The following UBAP2L variants were observed in gnomAD, a reference collection of about 807,000 sequenced individuals.
UBAP2L encodes ubiquitin-associated protein 2-like.
In UBAP2L, 12 loss-of-function variants were observed where a neutral mutation model predicts 130.6. The observed-to-expected ratio is 0.09, with a 90% confidence interval of 0.06 to 0.15. UBAP2L has a LOEUF of 0.15. UBAP2L is among the 10% of genes least tolerant of loss of function. UBAP2L has a pLI of 1.00. For missense variants in UBAP2L, 965 were observed against 1,332.5 expected, an observed-to-expected ratio of 0.72 and a Z score of 4.29; for synonymous variants, 503 against 524.7, an observed-to-expected ratio of 0.96 and a Z score of 0.57.
At chr1:154,232,095 A>G (rs181525757) in intron 4 of UBAP2L, among the ~76,000 whole-genome samples, 2 of 152,200 alleles carry the variant, frequency 1.3e-5, no homozygotes, top group South Asian at 2.1e-4. Flanking sequence ...TTGGGAGGCC[A>G]TGGCGGGCGG....
chr1:154,243,651 G>T (rs920450733), intron 10 of UBAP2L, among the ~76,000 whole-genome samples: 18 of 152,160 alleles, frequency 1.2e-4, no homozygotes, highest in African/African-American at 4.1e-4. Flanking sequence ...AGTAGAGACG[G>T]TGTTTCACCA....
At chr1:154,223,768 C>G (rs866029515) in intron 1 of UBAP2L, among the ~76,000 whole-genome samples, 9 of 152,194 alleles carry the variant, frequency 5.9e-5, no homozygotes, top group Admixed American at 1.3e-4. Context: ...AAAAAGTCAG[C>G]TTTCTCTGTG....
At chr1:154,268,667 T>C in intron 25 of UBAP2L, 90 bp from the exon 26 acceptor site, 1 of 1,319,638 alleles carries the variant, frequency 7.6e-7, no homozygotes, top group Non-Finnish European at 1.1e-6. Context: ...CATGCTGCTT[T>C]CTGAGGGTCA....
At position 154,253,891 on chromosome 1, in the gene UBAP2L, TACTC is replaced by T; in HGVS notation, c.1665-6_1665-3del. ...GTTTCTCTGAGATTTTTCTCTTCGT[TACTC>T]ACAGTGAATCATCCTCTACAATTTC... On this transcript the variant is annotated splice_polypyrimidine_tract_variant and splice_region_variant and intron_variant, in intron 14 of 26. Transcript: ENST00000428931. 3 of 1,613,674 alleles carry T rather than the reference TACTC, an allele frequency of 1.9e-6. No homozygotes were observed. In the South Asian group the frequency reaches 3.3e-5, roughly 18 times the overall value.
intron 11 of UBAP2L, 43 bp downstream of exon 11, chr1:154,246,418 A>G: frequency 6.3e-7 from 1 of 1,584,578 alleles, no homozygotes; most frequent in Non-Finnish European, 8.6e-7. Flanking sequence ...CCTTCCTGCT[A>G]ATCCTAGCAC....
At chr1:154,263,420 C>G in intron 24 of UBAP2L, 1 of 1,231,186 alleles carries the variant, frequency 8.1e-7, no homozygotes, top group Non-Finnish European at 1.0e-6. Context: ...CCTGCTGTTG[C>G]TTTTGATTTC....
chr1:154,256,324 TAC>T (rs1349027724), intron 18 of UBAP2L, among the ~76,000 whole-genome samples: 6 of 152,172 alleles, frequency 3.9e-5, no homozygotes, highest in African/African-American at 1.4e-4. Context: ...TCTATTCAAA[TAC>T]ACAGTTTCAG....
chr1:154,250,923 CTGCT>C, intron 12 of UBAP2L, 114 bp from the exon 13 acceptor site: 1 of 1,037,268 alleles, frequency 9.6e-7, no homozygotes, highest in South Asian at 1.7e-5. Flanking sequence ...AAAAGAGGGC[CTGCT>C]TATATGAGTT....
At chr1:154,235,383 C>CT (rs1396090334) in intron 6 of UBAP2L, 92 bp downstream of exon 6, 125 of 620,946 alleles carry the variant, frequency 2.0e-4, no homozygotes, top group Non-Finnish European at 5.8e-6. Flanking sequence ...TGGAGGTAGT[C>CT]TCACTCTCAC....
intron 12 of UBAP2L, 124 bp from the exon 13 acceptor site, chr1:154,250,917 G>T: frequency 6.0e-6 from 5 of 833,504 alleles, no homozygotes; most frequent in Non-Finnish European, 9.0e-6. Flanking sequence ...AGCCCCAAAA[G>T]AGGGCCTGCT....
intron 12 of UBAP2L, 30 bp from the exon 13 acceptor site, chr1:154,251,011 T>G: frequency 6.3e-7 from 1 of 1,583,116 alleles, no homozygotes; most frequent in Non-Finnish European, 8.6e-7. Context: ...TTAGCATCTC[T>G]GGCTTCATAT....
Position 154,257,069 on chromosome 1 carries a change from A to G in UBAP2L, c.2164A>G (p.Ser722Gly), listed in dbSNP as rs371087595. The change falls in exon 19 of 27, where the codon AGT becomes GGT. Residue 722 changes from serine (S) to glycine (G), a missense_variant. Ser to Gly is a moderately conservative substitution (Grantham distance 56). Around this residue, in one of 9 missense-constraint regions of UBAP2L, gnomAD observed 393 missense variants for 408.1 expected, o/e 0.96. Coordinates refer to ENST00000428931, the MANE Select transcript of UBAP2L (RefSeq NM_014847.4). Reference protein sequence around the residue: ...RTSTSTLLHTSVESEANLHSS... With the variant: ...RTSTSTLLHTGVESEANLHSS... ...ACTGCTCCCCCTTTTGAAGCACACA[A>G]GTGTGGAGAGTGAGGCGAATCTCCA... The G allele has an allele frequency of 6.2e-7, 1 of 1,613,270 alleles. No individual in the cohort carries two copies. Among genetic ancestry groups the G allele is most frequent in the African/African-American group, 1.3e-5 (1 of 74,886 alleles).
At chr1:154,266,470 T>G (rs1571980646) in intron 24 of UBAP2L, 31 bp from the exon 25 acceptor site, 1 of 1,611,026 alleles carries the variant, frequency 6.2e-7, no homozygotes, top group Admixed American at 1.7e-5. Context: ...CTAGCTGAGC[T>G]AATCCTCCTG....
At chr1:154,260,437 C>G (rs751945790) in intron 22 of UBAP2L, among the ~76,000 whole-genome samples, 5 of 152,254 alleles carry the variant, frequency 3.3e-5, no homozygotes, top group Non-Finnish European at 5.9e-5. Flanking sequence ...CATCTCTGCC[C>G]CTTTATGCTA....
intron 6 of UBAP2L, among the ~76,000 whole-genome samples, 162 bp downstream of exon 6, chr1:154,235,453 A>G (rs186834092): frequency 6.6e-6 from 1 of 152,176 alleles, no homozygotes; most frequent in Non-Finnish European, 1.5e-5. Context: ...CCTGGGCTCA[A>G]GTGATCCTCC....
chr1:154,271,209 G>A (rs1684665812), downstream of UBAP2L: 1 of 363,374 alleles, frequency 2.8e-6, no homozygotes, highest in Non-Finnish European at 5.0e-6. Context: ...AAGGAGCTGA[G>A]ACCATTTCAA....
chr1:154,225,225 A>G lies in UBAP2L; in HGVS notation c.90+12A>G. ...AGCAGCGGCCACAGGTAAATAATCCAAGGCATACGGATTCATGGATAGCGT... is the reference window on the plus strand; with the variant it reads ...AGCAGCGGCCACAGGTAAATAATCCGAGGCATACGGATTCATGGATAGCGT... On this transcript the variant is annotated intron_variant, in intron 2 of 26. Transcript: ENST00000428931. 6.2e-7 allele frequency: 1 copy of G among 1,613,636 alleles called. No homozygotes were observed. The highest frequency in any genetic ancestry group is 8.5e-7 in the Non-Finnish European group (1 of 1,179,728).
upstream of UBAP2L, chr1:154,220,411 C>A: frequency 4.3e-6 from 7 of 1,614,230 alleles, no homozygotes; most frequent in Non-Finnish European, 5.9e-6. Flanking sequence ...ACGCCATGGC[C>A]TCCCTACCTC....
intron 1 of UBAP2L, 44 bp downstream of exon 1, chr1:154,221,019 A>G (rs966410531): frequency 8.3e-5 from 17 of 204,566 alleles, no homozygotes; most frequent in Non-Finnish European, 1.3e-4. Context: ...CGGCGGCGGC[A>G]GCGGCAGCGC....
Sources: allele counts gnomAD v4.1 joint callset (sites outside exome capture counted in the v4.1 genomes callset), GRCh38; gene constraint gnomAD v4.1.1; regional missense constraint gnomAD v4.1.1; transcripts MANE v1.5; gene names NCBI Gene and HGNC (gene_info 2026-07-23, HGNC 2026-07-21).